LHFPL2: variants seen among roughly 807,000 people sequenced by gnomAD.
The protein encoded by LHFPL2 is LHFPL tetraspan subfamily member 2, also known as LHFPL tetraspan subfamily member 2 protein.
Under a neutral mutation model 17.5 loss-of-function variants are expected in LHFPL2, and 7 were observed. That is an observed-to-expected ratio of 0.40 (90% CI 0.23 to 0.75). The LOEUF (loss-of-function observed/expected upper bound fraction) is 0.75, where lower values mean the gene tolerates loss of function less well. Ranked by LOEUF, LHFPL2 falls within the 30% of genes least tolerant of loss-of-function variation. The pLI is 0.37. For synonymous variants in LHFPL2, 134 were observed against 116.2 expected, an observed-to-expected ratio of 1.15 and a Z score of -0.99; for missense variants, 241 against 294.8, an observed-to-expected ratio of 0.82 and a Z score of 1.34.
chr5:78,490,535 G>T (rs995306245), intron 4 of LHFPL2, among the ~76,000 whole-genome samples: 1 of 151,978 alleles, frequency 6.6e-6, no homozygotes, highest in Non-Finnish European at 1.5e-5. Flanking sequence ...GGTGGATCAC[G>T]AGGTCAAGAG....
chr5:78,564,753 G>A (rs79683540), intron 3 of LHFPL2, 60 bp downstream of exon 3: 5 of 152,242 alleles, frequency 3.3e-5, no homozygotes, highest in East Asian at 1.9e-4. Context: ...GTTGCCATTC[G>A]CTGGAAAATT....
intron 2 of LHFPL2, among the ~76,000 whole-genome samples, chr5:78,620,597 G>A (rs1025774497): frequency 6.6e-6 from 1 of 152,108 alleles, no homozygotes; most frequent in Non-Finnish European, 1.5e-5. Flanking sequence ...ATTTGGTAAG[G>A]TCTAGAGACA....
At chr5:78,627,342 C>T (rs941522375) in intron 2 of LHFPL2, among the ~76,000 whole-genome samples, 2 of 152,104 alleles carry the variant, frequency 1.3e-5, no homozygotes, top group African/African-American at 4.8e-5. Flanking sequence ...TTTCTATCCT[C>T]CCCTCTCCAG....
intron 3 of LHFPL2, among the ~76,000 whole-genome samples, chr5:78,536,421 C>G (rs1755952857): frequency 6.6e-6 from 1 of 152,238 alleles, no homozygotes; most frequent in African/African-American, 2.4e-5. Flanking sequence ...GCCTTTTTCT[C>G]TCCCAAACAT....
At chr5:78,585,254 G>T (rs1441387037) in intron 2 of LHFPL2, among the ~76,000 whole-genome samples, 1 of 96,284 alleles carries the variant, frequency 1.0e-5, no homozygotes, top group Middle Eastern at 5.6e-3. Flanking sequence ...TGATCCGCCC[G>T]CCTCGGCCTC....
chr5:78,566,946 C>T (rs754274598), intron 2 of LHFPL2, among the ~76,000 whole-genome samples: 2 of 152,168 alleles, frequency 1.3e-5, no homozygotes, highest in Non-Finnish European at 2.9e-5. Flanking sequence ...TCTTGATCAA[C>T]ATTTCCTTAT....
intron 3 of LHFPL2, among the ~76,000 whole-genome samples, chr5:78,548,276 G>A (rs182519207): frequency 1.3e-4 from 20 of 152,206 alleles, no homozygotes; most frequent in South Asian, 8.3e-4. Context: ...AGCTCCACCC[G>A]GCCTTGGGGC....
intron 2 of LHFPL2, among the ~76,000 whole-genome samples, chr5:78,586,050 C>T (rs56085348): frequency 3.2e-4 from 49 of 152,310 alleles, no homozygotes; most frequent in Non-Finnish European, 6.0e-4. Context: ...ACAGCACCAA[C>T]CTTGAAGTTC....
intron 3 of LHFPL2, among the ~76,000 whole-genome samples, chr5:78,529,524 G>A (rs988053851): frequency 6.6e-6 from 1 of 152,160 alleles, no homozygotes; most frequent in Non-Finnish European, 1.5e-5. Flanking sequence ...GTGCAGGATG[G>A]AGCCAGGCCA....
chr5:78,510,107 C>G lies in LHFPL2; in HGVS notation c.107G>C (p.Gly36Ala). 5 of 1,613,202 alleles carry G rather than the reference C, an allele frequency of 3.1e-6. No homozygotes were observed. The highest frequency in any genetic ancestry group is 4.2e-6 in the Non-Finnish European group (5 of 1,179,564). ...CACGCCGCCGCGGCTCCTCGCTTTC[C>G]CGATCAGCCAGTCTGCACTCATGAA... is the stretch of plus-strand genomic sequence containing the variant. ...IAFMSADWLI[G>A]KARSRGGVEP... Residue 36 changes from glycine to alanine, a missense_variant, in exon 4 of 5, where the codon GGG (glycine) becomes GCG (alanine). Coordinates refer to ENST00000380345, the MANE Select transcript of LHFPL2 (RefSeq NM_005779.3).
intron 3 of LHFPL2, among the ~76,000 whole-genome samples, chr5:78,561,250 T>G (rs1756717226): frequency 6.6e-6 from 1 of 152,210 alleles, no homozygotes; most frequent in Admixed American, 6.5e-5. Context: ...AAAAACTGAA[T>G]TAACTCTCAG....
chr5:78,526,480 G>A (rs980110109), intron 3 of LHFPL2, among the ~76,000 whole-genome samples: 5 of 152,084 alleles, frequency 3.3e-5, no homozygotes, highest in African/African-American at 9.7e-5. Context: ...CTGTCTTTGC[G>A]GTCTTCTTCT....
Position 78,517,331 on chromosome 5 carries a change from A to T in LHFPL2, c.-185-6933T>A, listed in dbSNP as rs144170294. ...GTTGTTTAATACACCCATCCTGGCC[A>T]GTCATAGGTTTCTTTCTTGATGCCA... On this transcript the variant is annotated intron_variant, in intron 3 of 4. Coordinates refer to ENST00000380345, the MANE Select transcript of LHFPL2 (RefSeq NM_005779.3). Among the ~76,000 whole-genome samples, 121 of 152,310 alleles carry T rather than the reference A, an allele frequency of 7.9e-4. 1 individual carries two copies. In the East Asian group the frequency reaches 0.023, roughly 29 times the overall value.
In LHFPL2 at chr5:78,509,901, C is replaced by G. The variant is rs148837077; in HGVS notation, c.313G>C (p.Ala105Pro). 6.2e-7 allele frequency: 1 copy of G among 1,613,662 alleles called. No homozygotes were observed. The change falls in exon 4 of 5, where the codon GCT (alanine) becomes CCT (proline). Residue 105 changes from alanine to proline, a missense_variant. Ala to Pro is a conservative substitution (Grantham distance 27). Coordinates refer to ENST00000380345, the MANE Select transcript of LHFPL2 (RefSeq NM_005779.3). ...ATGCAGAGAATAAAGATTCCCACAG[C>G]CAGGAAAATAGCTGTGGCCTGCCAG... Reference protein sequence around the residue: ...GFWQATAIFLAVGIFILCMVA... With the variant: ...GFWQATAIFLPVGIFILCMVA...
intron 3 of LHFPL2, among the ~76,000 whole-genome samples, chr5:78,554,699 C>T (rs984892623): frequency 1.3e-5 from 2 of 152,188 alleles, no homozygotes; most frequent in East Asian, 1.9e-4. Flanking sequence ...ATGGCTTATT[C>T]GTGCTGAGGA....
intron 3 of LHFPL2, among the ~76,000 whole-genome samples, chr5:78,524,560 G>A (rs1289958177): frequency 6.6e-6 from 1 of 152,016 alleles, no homozygotes; most frequent in Non-Finnish European, 1.5e-5. Flanking sequence ...TGGACAAAAT[G>A]GTGAAACCCC....
At chr5:78,627,342 C>G (rs941522375) in intron 2 of LHFPL2, among the ~76,000 whole-genome samples, 6 of 152,104 alleles carry the variant, frequency 3.9e-5, no homozygotes, top group African/African-American at 1.4e-4. Context: ...TTTCTATCCT[C>G]CCCTCTCCAG....
At chr5:78,582,666 C>T (rs374023571) in intron 2 of LHFPL2, among the ~76,000 whole-genome samples, 6 of 151,972 alleles carry the variant, frequency 3.9e-5, no homozygotes, top group Admixed American at 6.6e-5. Flanking sequence ...TGTTATAATT[C>T]CTGTTCTTTT....
intron 2 of LHFPL2, among the ~76,000 whole-genome samples, chr5:78,596,759 A>G (rs937355636): frequency 3.3e-5 from 5 of 152,222 alleles, no homozygotes; most frequent in Non-Finnish European, 5.9e-5. Flanking sequence ...AAAGCCCAGC[A>G]AGCCACATTC....
Sources: allele counts gnomAD v4.1 joint callset (sites outside exome capture counted in the v4.1 genomes callset), GRCh38; gene constraint gnomAD v4.1.1; transcripts MANE v1.5; gene names NCBI Gene and HGNC (gene_info 2026-07-23, HGNC 2026-07-21).